Variants in KATNBL1 observed in about 807,000 individuals in gnomAD.
KATNBL1 encodes KATNB1-like protein 1.
KATNBL1 carries 28 observed loss-of-function variants against 44.7 expected under a neutral mutation model. The ratio of observed to expected loss-of-function variants is 0.63; its 90% CI spans 0.46 to 0.86. KATNBL1 has a LOEUF of 0.86. KATNBL1 is among the 40% of genes least tolerant of loss of function. The pLI is 0.00. For synonymous variants in KATNBL1, 78 were observed against 114.9 expected (o/e 0.68, Z 2.06); for missense variants, 272 against 350.7 (o/e 0.78, Z 1.79).
chr15:34,200,437 ATT>A, intron 1 of KATNBL1, among the ~76,000 whole-genome samples: 1 of 128,694 alleles, frequency 7.8e-6, no homozygotes, highest in African/African-American at 2.8e-5. Context: ...TTTTTTTTGT[ATT>A]TTTAGTAGAG....
chr15:34,182,566 C>T (rs1303174248), intron 1 of KATNBL1, among the ~76,000 whole-genome samples: 2 of 151,858 alleles, frequency 1.3e-5, no homozygotes, highest in Non-Finnish European at 2.9e-5. Flanking sequence ...CAGATCAGTC[C>T]CACGAATATT....
In KATNBL1 at chr15:34,144,032, T is replaced by C. The variant is rs114793423; in HGVS notation, c.882+1366A>G. The stretch of plus-strand genomic sequence containing the variant: ...TCCCACACAGTGGTAACAAACTTGG[T>C]TGATATATCATTTTGCTTCTTTTTT... On this transcript the variant is annotated intron_variant, in intron 9 of 9. Coordinates refer to ENST00000256544, the MANE Select transcript of KATNBL1 (RefSeq NM_024713.3). 6.2e-3 allele frequency among the ~76,000 whole-genome samples: 930 copies of C among 150,084 alleles called. 8 individuals are homozygous for C. Among genetic ancestry groups the C allele is most frequent in the African/African-American group, 0.022 (896 of 41,066 alleles).
intron 1 of KATNBL1, among the ~76,000 whole-genome samples, chr15:34,197,852 A>T (rs1373452678): frequency 2.0e-5 from 3 of 152,142 alleles, no homozygotes; most frequent in Non-Finnish European, 4.4e-5. Flanking sequence ...GGTTCAAGAG[A>T]GTCTCCTGCC....
At chr15:34,182,227 C>T (rs1597452643) in intron 1 of KATNBL1, among the ~76,000 whole-genome samples, 1 of 152,008 alleles carries the variant, frequency 6.6e-6, no homozygotes, top group African/African-American at 2.4e-5. Context: ...GTTTTCATCA[C>T]TTTCTAGCTC....
chr15:34,177,806 A>G (rs1169588565), intron 1 of KATNBL1: 3 of 152,120 alleles, frequency 2.0e-5, no homozygotes, highest in South Asian at 2.1e-4. Context: ...ATACTACAAT[A>G]TATTTATCAC....
At chr15:34,145,559 A>G in intron 8 of KATNBL1, 68 bp from the exon 9 acceptor site, 1 of 1,249,902 alleles carries the variant, frequency 8.0e-7, no homozygotes, top group East Asian at 3.4e-5. Context: ...CATCATAAAT[A>G]TGCATAATAA....
At chr15:34,197,771 G>A (rs570085041) in intron 1 of KATNBL1, among the ~76,000 whole-genome samples, 4 of 151,778 alleles carry the variant, frequency 2.6e-5, no homozygotes, top group East Asian at 3.9e-4. Flanking sequence ...TTTTTGAGAC[G>A]GAGTCTCGCT....
At chr15:34,175,311 C>T (rs1252201914) in intron 1 of KATNBL1, among the ~76,000 whole-genome samples, 1 of 152,044 alleles carries the variant, frequency 6.6e-6, no homozygotes, top group African/African-American at 2.4e-5. Flanking sequence ...ATCCCAAATC[C>T]CAAATGCTTC....
intron 1 of KATNBL1, among the ~76,000 whole-genome samples, chr15:34,174,721 C>A (rs1330358995): frequency 6.6e-6 from 1 of 151,684 alleles, no homozygotes; most frequent in Non-Finnish European, 1.5e-5. Flanking sequence ...GTGGTGCGAT[C>A]TCAGCTTACT....
At chr15:34,180,177 C>G (rs1231542824) in intron 1 of KATNBL1, among the ~76,000 whole-genome samples, 1 of 152,166 alleles carries the variant, frequency 6.6e-6, no homozygotes, top group Non-Finnish European at 1.5e-5. Flanking sequence ...TTCTCTGCTT[C>G]CCTTTCCTGC....
chr15:34,162,216 TG>T (rs1269590765), intron 2 of KATNBL1, among the ~76,000 whole-genome samples: 1 of 152,160 alleles, frequency 6.6e-6, no homozygotes. Context: ...AATTGCCAAG[TG>T]TTGTGGGAGG....
intron 1 of KATNBL1, among the ~76,000 whole-genome samples, chr15:34,172,963 T>C (rs1231815640): frequency 6.6e-6 from 1 of 152,136 alleles, no homozygotes; most frequent in Non-Finnish European, 1.5e-5. Flanking sequence ...CTAAAAAATA[T>C]TTTAAAGAAT....
At chr15:34,183,146 T>G (rs1288675647) in intron 1 of KATNBL1, among the ~76,000 whole-genome samples, 1 of 152,292 alleles carries the variant, frequency 6.6e-6, no homozygotes, top group East Asian at 1.9e-4. Context: ...TCAAAGTATC[T>G]GGAATTTTCG....
chr15:34,192,391 G>A (rs1328179371), intron 1 of KATNBL1, among the ~76,000 whole-genome samples: 6 of 141,040 alleles, frequency 4.3e-5, no homozygotes, highest in African/African-American at 1.6e-4. Flanking sequence ...GCGACAGAGT[G>A]AGACTCCATC....
At chr15:34,203,114 T>G (rs1379534097) in intron 1 of KATNBL1, among the ~76,000 whole-genome samples, 1 of 152,220 alleles carries the variant, frequency 6.6e-6, no homozygotes, top group Admixed American at 6.5e-5. Flanking sequence ...ATTCTTGAAC[T>G]TAACATATTA....
At chr15:34,202,173 T>C (rs1195811675) in intron 1 of KATNBL1, among the ~76,000 whole-genome samples, 1 of 152,238 alleles carries the variant, frequency 6.6e-6, no homozygotes, top group African/African-American at 2.4e-5. Context: ...CTAAAGGTAT[T>C]TCTGATACTT....
At position 34,183,988 on chromosome 15, in the gene KATNBL1, G is replaced by A. The variant is rs188592201; in HGVS notation, c.-14-20298C>T. On this transcript the variant is annotated intron_variant, in intron 1 of 9. Coordinates refer to ENST00000256544, the MANE Select transcript of KATNBL1 (RefSeq NM_024713.3). ...GTTCAAGACTAGCCTGGCCAACATG[G>A]TGAAACCCCATCTCTACTAAAAACA... Among the ~76,000 whole-genome samples the A allele has an allele frequency of 3.4e-3, 515 of 152,234 alleles. 1 individual carries two copies. The highest frequency in any genetic ancestry group is 4.6e-3 in the Non-Finnish European group (316 of 68,010).
intron 1 of KATNBL1, among the ~76,000 whole-genome samples, chr15:34,169,389 GGAA>G (rs1464904555): frequency 2.6e-5 from 4 of 152,118 alleles, no homozygotes; most frequent in Non-Finnish European, 4.4e-5. Flanking sequence ...GACTAAACCA[GGAA>G]GAAGTTCAAT....
chr15:34,146,933 A>C (rs867263898), intron 7 of KATNBL1, 83 bp from the exon 8 acceptor site: 26 of 848,362 alleles, frequency 3.1e-5, no homozygotes, highest in Middle Eastern at 2.2e-4. Flanking sequence ...CCTCCCAAAA[A>C]ACACACACAC....
Sources: gnomAD v4.1 joint callset for allele counts (sites outside exome capture counted in the v4.1 genomes callset) on GRCh38, gnomAD v4.1.1 for gene constraint, MANE v1.5 for transcripts, NCBI Gene and HGNC (gene_info 2026-07-23, HGNC 2026-07-21) for gene names.